Variants in TUSC3 observed in about 807,000 individuals in gnomAD.
TUSC3 encodes dolichyl-diphosphooligosaccharide--protein glycosyltransferase subunit TUSC3.
TUSC3 carries 45 observed loss-of-function variants against 44.8 expected under a neutral mutation model. That is an observed-to-expected ratio of 1.00 (90% confidence interval 0.79 to 1.29). The LOEUF (loss-of-function observed/expected upper bound fraction) is 1.29. Ranked by LOEUF, TUSC3 falls within the 50% of genes most tolerant of loss-of-function variation. The probability of loss-of-function intolerance (pLI) is 0.00; values close to 1 mark genes in which losing one functional copy is unlikely to be tolerated. For synonymous variants in TUSC3, 212 were observed against 152.9 expected (o/e 1.39, Z -2.85); for missense variants, 519 against 437.9 (o/e 1.19, Z -1.65).
the TUSC3 span, among the ~76,000 whole-genome samples, chr8:15,797,790 G>C: frequency 2.6e-5 from 4 of 152,176 alleles, no homozygotes; most frequent in South Asian, 8.3e-4. Flanking sequence ...AACACAGCAA[G>C]TGCTATCAAT....
intron 1 of TUSC3, among the ~76,000 whole-genome samples, chr8:15,560,676 C>T (rs1802426216): frequency 9.2e-6 from 1 of 108,350 alleles, no homozygotes; most frequent in Non-Finnish European, 2.0e-5. Context: ...CACATAGTCC[C>T]ATATTTCTTG....
chr8:15,512,927 T>A (rs1416903623), intron 2 of TUSC3, among the ~76,000 whole-genome samples: 2 of 44,584 alleles, frequency 4.5e-5, no homozygotes, highest in African/African-American at 6.2e-5. Flanking sequence ...TCTATATATA[T>A]AATCATATAT....
At chr8:15,499,091 A>G (rs1033984878) in intron 2 of TUSC3, among the ~76,000 whole-genome samples, 1 of 151,690 alleles carries the variant, frequency 6.6e-6, no homozygotes. Flanking sequence ...ATCAGACTCC[A>G]TCACCCACTA....
chr8:15,717,930 G>A (rs1171699600), intron 6 of TUSC3, among the ~76,000 whole-genome samples: 1 of 151,966 alleles, frequency 6.6e-6, no homozygotes, highest in Non-Finnish European at 1.5e-5. Flanking sequence ...ATTTTGCCTT[G>A]CATGATTAGA....
intron 6 of TUSC3, among the ~76,000 whole-genome samples, chr8:15,714,564 T>A (rs965594016): frequency 2.6e-5 from 4 of 152,176 alleles, no homozygotes; most frequent in African/African-American, 4.8e-5. Context: ...CTTGTACTAA[T>A]GAAGAATTGT....
intron 1 of TUSC3, among the ~76,000 whole-genome samples, chr8:15,544,709 C>T (rs1008500282): frequency 3.3e-5 from 5 of 151,694 alleles, no homozygotes; most frequent in African/African-American, 1.2e-4. Context: ...TGGATGTTAC[C>T]TTTAAGCAGA....
intron 1 of TUSC3, among the ~76,000 whole-genome samples, chr8:15,449,740 T>C (rs1800168507): frequency 6.6e-6 from 1 of 152,160 alleles, no homozygotes; most frequent in Non-Finnish European, 1.5e-5. Context: ...ATTTTTATTT[T>C]TCATCACTCA....
chr8:15,711,121 C>T (rs1035999582), intron 6 of TUSC3, among the ~76,000 whole-genome samples: 1 of 151,692 alleles, frequency 6.6e-6, no homozygotes, highest in Non-Finnish European at 1.5e-5. Context: ...TCTTCGCTTT[C>T]CCTTTTTTTT....
At chr8:15,851,312 T>C in the TUSC3 span, among the ~76,000 whole-genome samples, 1 of 152,108 alleles carries the variant, frequency 6.6e-6, no homozygotes, top group African/African-American at 2.4e-5. Context: ...CAGACAAAAG[T>C]CCCTGGTCTT....
chr8:15,745,785 A>G (rs1211184714), intron 8 of TUSC3, among the ~76,000 whole-genome samples: 3 of 151,776 alleles, frequency 2.0e-5, no homozygotes, highest in Non-Finnish European at 4.4e-5. Flanking sequence ...GCAGAGGCTC[A>G]TTAATCAGTC....
In TUSC3 at chr8:15,722,333, C is replaced by G. The variant is rs28508489; in HGVS notation, c.799-8333C>G. On this transcript the variant is annotated intron_variant, in intron 6 of 10. Coordinates refer to ENST00000503731, the MANE Select transcript of TUSC3 (RefSeq NM_006765.4). ...ATAAAGGTAAAGCTCATCAGGAGAG[C>G]TATTTCTCCATTTTACTATCAGGAC... 2.8e-3 allele frequency among the ~76,000 whole-genome samples: 422 copies of G among 151,350 alleles called. 6 individuals are homozygous for G. Among genetic ancestry groups the G allele is most frequent in the African/African-American group, 9.9e-3 (409 of 41,256 alleles).
chr8:15,719,506 CACACACACACCACACA>C (rs1177365203), intron 6 of TUSC3, among the ~76,000 whole-genome samples: 2 of 48,744 alleles, frequency 4.1e-5, no homozygotes, highest in Non-Finnish European at 7.3e-5. Context: ...CACACACACA[CACACACACACCACACA>C]CACACACACA....
At chr8:15,439,791 T>C (rs1231685791) in intron 1 of TUSC3, among the ~76,000 whole-genome samples, 1 of 152,222 alleles carries the variant, frequency 6.6e-6, no homozygotes, top group Non-Finnish European at 1.5e-5. Flanking sequence ...ATATAGTCTT[T>C]ATTCATTTCT....
chr8:15,683,736 C>G (rs190652373), intron 6 of TUSC3, among the ~76,000 whole-genome samples: 2 of 152,306 alleles, frequency 1.3e-5, no homozygotes, highest in African/African-American at 4.8e-5. Context: ...ACTTCCTGCA[C>G]TGATTCCTTC....
At chr8:15,783,917 C>A in the TUSC3 span, among the ~76,000 whole-genome samples, 1 of 152,088 alleles carries the variant, frequency 6.6e-6, no homozygotes, top group Non-Finnish European at 1.5e-5. Context: ...AGAGAACGCA[C>A]AGATGGGGAG....
chr8:15,463,096 GTC>G (rs554033789), intron 1 of TUSC3, among the ~76,000 whole-genome samples: 1 of 149,506 alleles, frequency 6.7e-6, no homozygotes, highest in East Asian at 2.0e-4. Flanking sequence ...GCCTCTCTGT[GTC>G]TCTCTCTCTG....
At chr8:15,735,614 C>T (rs1048740686) in intron 7 of TUSC3, among the ~76,000 whole-genome samples, 1 of 152,208 alleles carries the variant, frequency 6.6e-6, no homozygotes, top group Non-Finnish European at 1.5e-5. Flanking sequence ...GTAATGTTCT[C>T]ACCAAATTAT....
chr8:15,649,047 T>A, intron 2 of TUSC3, among the ~76,000 whole-genome samples: 1 of 152,168 alleles, frequency 6.6e-6, no homozygotes, highest in South Asian at 2.1e-4. Flanking sequence ...AAATCTCAGA[T>A]CCTGCACAGT....
At chr8:15,643,019 A>T (rs1171475145) in intron 2 of TUSC3, among the ~76,000 whole-genome samples, 1 of 152,146 alleles carries the variant, frequency 6.6e-6, no homozygotes, top group African/African-American at 2.4e-5. Context: ...TTGTTCCCAT[A>T]ATCCCTATGT....
Sources: allele counts gnomAD v4.1 joint callset (sites outside exome capture counted in the v4.1 genomes callset), GRCh38; gene constraint gnomAD v4.1.1; transcripts MANE v1.5; gene names NCBI Gene and HGNC (gene_info 2026-07-23, HGNC 2026-07-21).